The following MMS22L variants were observed in gnomAD, a reference collection of about 807,000 sequenced individuals.
The protein encoded by MMS22L is protein MMS22-like.
In MMS22L, 74 loss-of-function variants were observed where a neutral mutation model predicts 159.1. The observed-to-expected ratio is 0.47, with a 90% CI of 0.39 to 0.56. MMS22L has a LOEUF of 0.56. MMS22L is among the 20% of genes least tolerant of loss of function. MMS22L has a pLI of 0.00. For synonymous variants in MMS22L, 517 were observed against 506.9 expected (o/e 1.02, Z -0.27); for missense variants, 1,351 against 1,422.1 (o/e 0.95, Z 0.80).
intron 19 of MMS22L, among the ~76,000 whole-genome samples, chr6:97,171,949 T>G (rs1231109645): frequency 6.6e-6 from 1 of 152,146 alleles, no homozygotes; most frequent in African/African-American, 2.4e-5. Context: ...CTCTTCCTAG[T>G]CTTTGAAACC....
intron 14 of MMS22L, among the ~76,000 whole-genome samples, chr6:97,217,369 C>T (rs2127966184): frequency 6.6e-6 from 1 of 152,196 alleles, no homozygotes; most frequent in Admixed American, 6.5e-5. Context: ...CCTCAGCCTC[C>T]TCAGCCCTTG....
intron 4 of MMS22L, among the ~76,000 whole-genome samples, chr6:97,275,959 G>A (rs140923524): frequency 2.2e-3 from 331 of 152,146 alleles, no homozygotes; most frequent in African/African-American, 7.4e-3. Flanking sequence ...AGTCATGATC[G>A]CACCACTGCA....
In MMS22L at chr6:97,165,245, C is replaced by T; in HGVS notation, c.3221+1G>A. On this transcript the variant is annotated splice_donor_variant, in intron 21 of 24. Coordinates refer to ENST00000683635, the MANE Select transcript of MMS22L (RefSeq NM_001350599.2). LOFTEE classifies it high-confidence loss of function. ...CACCTATATTTAATATTTAGATGTA[C>T]CTTATGACTTGCACAATGCATTTCT... is the stretch of plus-strand genomic sequence containing the variant. 1 of 1,609,644 alleles carries T rather than the reference C, an allele frequency of 6.2e-7. No individual in the cohort carries two copies. Among genetic ancestry groups the T allele is most frequent in the Non-Finnish European group, 8.5e-7 (1 of 1,176,600 alleles).
intron 14 of MMS22L, among the ~76,000 whole-genome samples, chr6:97,204,568 G>A (rs1807543517): frequency 6.6e-6 from 1 of 152,144 alleles, no homozygotes; most frequent in African/African-American, 2.4e-5. Context: ...AAGGCAGGAG[G>A]ATCACTTGAG....
intron 14 of MMS22L, among the ~76,000 whole-genome samples, chr6:97,224,858 T>C (rs1296565973): frequency 6.6e-6 from 1 of 151,874 alleles, no homozygotes; most frequent in Non-Finnish European, 1.5e-5. Flanking sequence ...CTACACAATA[T>C]ATGCATGTAA....
rs374110344 is a variant in MMS22L, at chr6:97,231,404, T to C, written c.1529+22A>G. The C allele has an allele frequency of 3.9e-6, 6 of 1,537,300 alleles. No homozygotes were observed. The African/African-American group carries it at 8.2e-5, about 21-fold the overall frequency. ...ATCCAAAGATATCAGTGCACACTCA[T>C]GACAGAAGATACTGCATATACCTTC... is the stretch of plus-strand genomic sequence containing the variant. On this transcript the variant is annotated intron_variant, in intron 13 of 24. Transcript: ENST00000683635.
At chr6:97,173,520 T>C (rs1803780266) in intron 18 of MMS22L, among the ~76,000 whole-genome samples, 2 of 152,190 alleles carry the variant, frequency 1.3e-5, no homozygotes, top group Admixed American at 1.3e-4. Flanking sequence ...GTGAAACTTA[T>C]GTACACATAC....
intron 15 of MMS22L, among the ~76,000 whole-genome samples, chr6:97,182,268 GC>G (rs966021386): frequency 6.6e-6 from 1 of 151,834 alleles, no homozygotes; most frequent in African/African-American, 2.4e-5. Flanking sequence ...TCCAAGAAAG[GC>G]CTAGAAGAAT....
chr6:97,152,839 CT>C (rs869235389), intron 22 of MMS22L, among the ~76,000 whole-genome samples: 647 of 121,304 alleles, frequency 5.3e-3, no homozygotes, highest in African/African-American at 8.4e-3. Flanking sequence ...TGAGTATTTT[CT>C]TTTTTTTTTT....
At chr6:97,233,830 C>T (rs1039312001) in intron 12 of MMS22L, 31 bp downstream of exon 12, 15 of 1,558,534 alleles carry the variant, frequency 9.6e-6, no homozygotes, top group Non-Finnish European at 1.3e-5. Flanking sequence ...TTTTAAAATT[C>T]CTGGAGCAAA....
At chr6:97,255,761 ATGTG>A (rs1468478639) in intron 9 of MMS22L, among the ~76,000 whole-genome samples, 1 of 106,584 alleles carries the variant, frequency 9.4e-6, no homozygotes, top group African/African-American at 3.0e-5. Flanking sequence ...ATTTCTATGC[ATGTG>A]TATTTCTCCT....
intron 14 of MMS22L, among the ~76,000 whole-genome samples, chr6:97,204,884 T>G (rs1250740219): frequency 1.1e-5 from 1 of 90,022 alleles, no homozygotes; most frequent in Non-Finnish European, 2.8e-5. Flanking sequence ...GCCAGAGAGC[T>G]GGCAATTTTT....
chr6:97,160,181 A>G (rs886295603), intron 22 of MMS22L, among the ~76,000 whole-genome samples: 1 of 152,026 alleles, frequency 6.6e-6, no homozygotes, highest in African/African-American at 2.4e-5. Context: ...TAATAATTAT[A>G]TGATAATCTT....
chr6:97,217,513 C>T (rs1427670980), intron 14 of MMS22L, among the ~76,000 whole-genome samples: 1 of 152,054 alleles, frequency 6.6e-6, no homozygotes, highest in East Asian at 1.9e-4. Flanking sequence ...CCTCAGACTC[C>T]CAAAGTGCTA....
At chr6:97,173,274 AT>A in intron 18 of MMS22L, 52 bp from the exon 19 acceptor site, 1 of 1,541,662 alleles carries the variant, frequency 6.5e-7, no homozygotes. Flanking sequence ...TACCATAAAG[AT>A]TTGGAACATA....
At chr6:97,151,976 G>A (rs1457649750) in intron 22 of MMS22L, 109 bp from the exon 23 acceptor site, 4 of 750,668 alleles carry the variant, frequency 5.3e-6, no homozygotes, top group African/African-American at 3.5e-5. Context: ...CTTAAAGTAT[G>A]TACATCCTTT....
intron 12 of MMS22L, among the ~76,000 whole-genome samples, chr6:97,232,574 T>C (rs577551636): frequency 1.3e-5 from 2 of 152,194 alleles, no homozygotes; most frequent in East Asian, 3.9e-4. Flanking sequence ...TTCTGGGCAA[T>C]GGACATTCCT....
At chr6:97,279,310 C>G (rs528326410) in intron 3 of MMS22L, among the ~76,000 whole-genome samples, 2 of 151,742 alleles carry the variant, frequency 1.3e-5, no homozygotes, top group Non-Finnish European at 2.9e-5. Context: ...GGTGAAACCC[C>G]GTCTCTACTA....
intron 21 of MMS22L, among the ~76,000 whole-genome samples, chr6:97,164,927 T>C (rs1477760190): frequency 6.6e-6 from 1 of 152,108 alleles, no homozygotes; most frequent in African/African-American, 2.4e-5. Context: ...CCAAATATAA[T>C]TACTGTGTTT....
Sources: allele counts gnomAD v4.1 joint callset (sites outside exome capture counted in the v4.1 genomes callset), GRCh38; gene constraint gnomAD v4.1.1; transcripts MANE v1.5; gene names NCBI Gene and HGNC (gene_info 2026-07-23, HGNC 2026-07-21).